The following UBE2F variants were observed in gnomAD, a reference collection of about 807,000 sequenced individuals.
The protein encoded by UBE2F is ubiquitin conjugating enzyme E2 F (putative).
UBE2F carries 5 observed loss-of-function variants against 29.6 expected under a neutral mutation model. The observed-to-expected ratio is 0.17, with a 90% CI of 0.09 to 0.36. UBE2F has a LOEUF of 0.36. Among genes scored for constraint, UBE2F ranks in the 10% least tolerant of loss-of-function variants. UBE2F has a pLI of 1.00. For missense variants in UBE2F, 141 were observed against 228.5 expected, an observed-to-expected ratio of 0.62 and a Z score of 2.47; for synonymous variants, 66 against 81.8, an observed-to-expected ratio of 0.81 and a Z score of 1.04.
intron 4 of UBE2F, among the ~76,000 whole-genome samples, chr2:238,015,760 A>T (rs2064137472): frequency 6.6e-6 from 1 of 152,194 alleles, no homozygotes; most frequent in South Asian, 2.1e-4. Flanking sequence ...ATTCTGTCAA[A>T]TTTGAAAATT....
rs567508107 is a variant in UBE2F, at chr2:237,974,605, C to G, written c.118+1380C>G. On this transcript the variant is annotated intron_variant, in intron 2 of 9. Transcript: ENST00000272930. ...CTTGGCTAACTGCAACCTCTGCCCCCAGGGTTCAAGTGATTCTCCCGCCTC... is the reference window on the plus strand; with the variant it reads ...CTTGGCTAACTGCAACCTCTGCCCCGAGGGTTCAAGTGATTCTCCCGCCTC... Among the ~76,000 whole-genome samples the G allele has an allele frequency of 6.1e-4, 93 of 151,308 alleles. 2 individuals carry two copies. Among genetic ancestry groups the G allele is most frequent in the Admixed American group, 3.8e-3 (58 of 15,188 alleles).
chr2:237,975,143 C>G (rs1042655274), intron 2 of UBE2F, among the ~76,000 whole-genome samples: 1 of 151,662 alleles, frequency 6.6e-6, no homozygotes, highest in Non-Finnish European at 1.5e-5. Flanking sequence ...TACTCTATCA[C>G]CAGCCTGGAG....
At chr2:237,976,354 T>C (rs1320654319) in intron 2 of UBE2F, among the ~76,000 whole-genome samples, 2 of 152,244 alleles carry the variant, frequency 1.3e-5, no homozygotes, top group African/African-American at 2.4e-5. Flanking sequence ...TCCCATCTTC[T>C]TTACCCAATC....
Position 237,972,552 on chromosome 2 carries a change from T to A in UBE2F, c.-16-540T>A, listed in dbSNP as rs1455366347. Among the ~76,000 whole-genome samples the A allele has an allele frequency of 1.1e-3, 154 of 144,950 alleles. 1 individual carries two copies. Among genetic ancestry groups the A allele is most frequent in the Middle Eastern group, 3.5e-3 (1 of 286 alleles). Reference sequence around the variant, plus strand: ...CTTTTTAATTTTAAATTTTTTTTTTTTTTTTTTTTTTTTTTTGAGACAGGG... The same window carrying A: ...CTTTTTAATTTTAAATTTTTTTTTTATTTTTTTTTTTTTTTTGAGACAGGG... On this transcript the variant is annotated intron_variant, in intron 1 of 9. Transcript: ENST00000272930.
chr2:237,987,292 A>T lies in UBE2F; in HGVS notation c.119-671A>T, dbSNP rs1004531181. Among the ~76,000 whole-genome samples, 60 of 152,170 alleles carry T rather than the reference A, an allele frequency of 3.9e-4. 1 individual carries two copies. The highest frequency in any genetic ancestry group is 1.4e-3 in the African/African-American group (60 of 41,442). On this transcript the variant is annotated intron_variant, in intron 2 of 9. Transcript: ENST00000272930. ...CAGGGCAGTCTTTAGGGCTTTCTGC[A>T]TATAGGATCTTGTCACCTGAAACTG...
chr2:237,968,127 G>T (rs979202109), intron 1 of UBE2F, among the ~76,000 whole-genome samples: 1 of 152,172 alleles, frequency 6.6e-6, no homozygotes, highest in South Asian at 2.1e-4. Flanking sequence ...GAACAAAGAG[G>T]AAACTGGCCT....
chr2:237,969,713 A>G (rs1262849430), intron 1 of UBE2F, among the ~76,000 whole-genome samples: 2 of 152,168 alleles, frequency 1.3e-5, no homozygotes, highest in Admixed American at 1.3e-4. Context: ...ATGACAAGGA[A>G]TCCTTGTGAG....
chr2:237,968,203 A>G (rs1227719988), intron 1 of UBE2F, among the ~76,000 whole-genome samples: 1 of 151,938 alleles, frequency 6.6e-6, no homozygotes, highest in Non-Finnish European at 1.5e-5. Context: ...GAGGTGGGAG[A>G]GAGAGAGAGA....
chr2:238,005,500 T>A (rs970614665), intron 4 of UBE2F, among the ~76,000 whole-genome samples: 2 of 152,216 alleles, frequency 1.3e-5, no homozygotes, highest in Non-Finnish European at 2.9e-5. Context: ...CCGGCCTTAT[T>A]TTTTTAAAAG....
At chr2:238,029,592 T>C (rs1327293069) in intron 6 of UBE2F, among the ~76,000 whole-genome samples, 1 of 46,724 alleles carries the variant, frequency 2.1e-5, no homozygotes, top group East Asian at 1.4e-3. Flanking sequence ...AGAGACTCCG[T>C]CTCAAAAAAA....
chr2:237,974,898 C>T (rs1170173714), intron 2 of UBE2F, among the ~76,000 whole-genome samples: 1 of 151,788 alleles, frequency 6.6e-6, no homozygotes, highest in Non-Finnish European at 1.5e-5. Context: ...ATCCACCCGC[C>T]TCGGCCTCCC....
intron 2 of UBE2F, among the ~76,000 whole-genome samples, chr2:237,974,125 C>T (rs1457297114): frequency 6.6e-6 from 1 of 150,990 alleles, no homozygotes; most frequent in African/African-American, 2.4e-5. Context: ...TCCTGAGTAG[C>T]GGAGATTACG....
intron 2 of UBE2F, among the ~76,000 whole-genome samples, chr2:237,984,581 C>T (rs1232281407): frequency 6.6e-6 from 1 of 152,196 alleles, no homozygotes; most frequent in African/African-American, 2.4e-5. Context: ...CCTCTTTCCT[C>T]AGTCCCCACA....
In UBE2F at chr2:237,967,674, G is replaced by C. The variant is rs367676839; in HGVS notation, c.-17+542G>C. Among the ~76,000 whole-genome samples, 4 of 152,344 alleles carry C rather than the reference G, an allele frequency of 2.6e-5. No individual in the cohort carries two copies. The East Asian group carries it at 7.7e-4, about 29-fold the overall frequency. On this transcript the variant is annotated intron_variant, in intron 1 of 9. Transcript: ENST00000272930. This position sits in a 1 kb window ranked among gnomAD's most constrained non-coding sequence, Gnocchi z 6.3. ...GAGTGACAACTCGCGCCCGGTCCTC[G>C]TACCTGCAGCGGGAAGAGTAAGTAT... is the stretch of plus-strand genomic sequence containing the variant.
intron 3 of UBE2F, among the ~76,000 whole-genome samples, chr2:237,990,239 A>G (rs1272943646): frequency 6.6e-6 from 1 of 151,778 alleles, no homozygotes; most frequent in Non-Finnish European, 1.5e-5. Flanking sequence ...AGGATAGACA[A>G]GCAAAATTGG....
chr2:237,972,062 C>CAT (rs1262531139), intron 1 of UBE2F, among the ~76,000 whole-genome samples: 1 of 152,186 alleles, frequency 6.6e-6, no homozygotes, highest in East Asian at 1.9e-4. Flanking sequence ...AGCAGGGGAA[C>CAT]CTGCAACACA....
chr2:237,997,496 T>G (rs1296365459), intron 4 of UBE2F, among the ~76,000 whole-genome samples: 1 of 152,140 alleles, frequency 6.6e-6, no homozygotes, highest in Non-Finnish European at 1.5e-5. Context: ...TAAAAAAAAT[T>G]TTAGAATCCT....
At position 238,021,253 on chromosome 2, in the gene UBE2F, G is replaced by A. The variant is rs189001768; in HGVS notation, c.283-4089G>A. On this transcript the variant is annotated intron_variant, in intron 5 of 9. Transcript: ENST00000272930. ...ACTAAGGAAGGCCAGTCCTGCCATG[G>A]GCCCTGGAGGAGGAGAGCCAGAGAC... Among the ~76,000 whole-genome samples, 20 of 152,226 alleles carry A rather than the reference G, an allele frequency of 1.3e-4. No homozygotes were observed. The East Asian group carries it at 2.1e-3, about 16-fold the overall frequency.
At chr2:237,987,381 T>C (rs2063500394) in intron 2 of UBE2F, among the ~76,000 whole-genome samples, 1 of 152,186 alleles carries the variant, frequency 6.6e-6, no homozygotes, top group African/African-American at 2.4e-5. Context: ...GTCTGATTGC[T>C]CTGGTTTAGA....
Sources: allele counts gnomAD v4.1 joint callset (sites outside exome capture counted in the v4.1 genomes callset), GRCh38; gene constraint gnomAD v4.1.1; non-coding constraint Gnocchi (gnomAD v3.1); transcripts MANE v1.5; gene names NCBI Gene and HGNC (gene_info 2026-07-23, HGNC 2026-07-21).